Variants in PHF20 observed in about 807,000 individuals in gnomAD.
The protein encoded by PHF20 is PHD finger protein 20, also known as glioma-expressed antigen 2.
PHF20 carries 23 observed loss-of-function variants against 113.5 expected under a neutral mutation model. The observed-to-expected ratio is 0.20, with a 90% CI of 0.15 to 0.29. The LOEUF is 0.29. Ranked by LOEUF, PHF20 falls within the 10% of genes least tolerant of loss-of-function variation. The pLI, the probability that PHF20 is intolerant of heterozygous loss-of-function variation, is 1.00. For synonymous variants in PHF20, 434 were observed against 457.3 expected, an observed-to-expected ratio of 0.95 and a Z score of 0.65; for missense variants, 943 against 1,219.6, an observed-to-expected ratio of 0.77 and a Z score of 3.38.
At chr20:35,905,446 G>A (rs1278240045) in intron 10 of PHF20, among the ~76,000 whole-genome samples, 1 of 151,932 alleles carries the variant, frequency 6.6e-6, no homozygotes, top group African/African-American at 2.4e-5. Context: ...TCATGAGGTT[G>A]GGGCCTTCAT....
intron 2 of PHF20, among the ~76,000 whole-genome samples, chr20:35,827,268 A>G (rs1250585282): frequency 6.7e-6 from 1 of 150,000 alleles, no homozygotes; most frequent in African/African-American, 2.5e-5. Context: ...CGTCTGGGTA[A>G]TTTTCTGATT....
intron 2 of PHF20, among the ~76,000 whole-genome samples, chr20:35,815,095 T>G (rs1000563087): frequency 5.3e-5 from 8 of 150,936 alleles, no homozygotes; most frequent in Non-Finnish European, 8.9e-5. Context: ...ACTCGGGAGG[T>G]TGAGGCAGGA....
chr20:35,883,035 A>G (rs980188844), intron 9 of PHF20, among the ~76,000 whole-genome samples: 1 of 151,514 alleles, frequency 6.6e-6, no homozygotes, highest in Non-Finnish European at 1.5e-5. Flanking sequence ...CTCAAAAAAA[A>G]AAAAAAAAGA....
intron 4 of PHF20, among the ~76,000 whole-genome samples, chr20:35,850,264 C>T (rs1413178415): frequency 2.8e-5 from 4 of 143,002 alleles, no homozygotes; most frequent in South Asian, 4.5e-4. Context: ...CTGACCTCAC[C>T]TCTTTGCTGG....
intron 3 of PHF20, among the ~76,000 whole-genome samples, chr20:35,844,150 T>G (rs1389576038): frequency 6.6e-6 from 1 of 152,110 alleles, no homozygotes; most frequent in Non-Finnish European, 1.5e-5. Context: ...TTGCTCAGGC[T>G]GGAGTGCAGT....
At chr20:35,909,931 T>C (rs554761590) in intron 10 of PHF20, among the ~76,000 whole-genome samples, 1 of 152,336 alleles carries the variant, frequency 6.6e-6, no homozygotes, top group African/African-American at 2.4e-5. Context: ...CTCTCTGAGC[T>C]TCAGTTTCCC....
At chr20:35,912,389 T>C (rs1431779759) in intron 10 of PHF20, among the ~76,000 whole-genome samples, 2 of 152,124 alleles carry the variant, frequency 1.3e-5, no homozygotes, top group Admixed American at 1.3e-4. Flanking sequence ...AGGGAGAAGT[T>C]TGGACAGGGA....
chr20:35,807,027 C>T (rs956337047), intron 2 of PHF20, among the ~76,000 whole-genome samples: 1 of 151,868 alleles, frequency 6.6e-6, no homozygotes, highest in Non-Finnish European at 1.5e-5. Flanking sequence ...GATCTCCTGA[C>T]CTTGTGATCT....
intron 9 of PHF20, among the ~76,000 whole-genome samples, chr20:35,876,959 T>G (rs760931967): frequency 2.7e-5 from 4 of 147,864 alleles, no homozygotes; most frequent in Non-Finnish European, 4.5e-5. Context: ...ACAAAAAAAT[T>G]GGCCGGGCGT....
chr20:35,855,247 C>G (rs1250666901), intron 4 of PHF20: 1 of 1,333,900 alleles, frequency 7.5e-7, no homozygotes, highest in Non-Finnish European at 9.9e-7. Context: ...CTTGCCAACA[C>G]CCTGACAATA....
At chr20:35,819,962 A>G (rs900930341) in intron 2 of PHF20, among the ~76,000 whole-genome samples, 14 of 152,162 alleles carry the variant, frequency 9.2e-5, no homozygotes, top group African/African-American at 3.4e-4. Context: ...TTTAGATGCT[A>G]TGAAGGGGGT....
At chr20:35,812,643 G>A (rs969517472) in intron 2 of PHF20, among the ~76,000 whole-genome samples, 3 of 152,110 alleles carry the variant, frequency 2.0e-5, no homozygotes, top group African/African-American at 4.8e-5. Flanking sequence ...TGGTAATGCC[G>A]TGTGTTTCAT....
rs573537506 is a variant in PHF20 at position 35,796,419 on chromosome 20, T to A, written c.-32-5072T>A. On this transcript the variant is annotated intron_variant, in intron 1 of 17. Transcript: ENST00000374012. ...GTTTTTCTCATTTTCACAAATGATT[T>A]ATTTTTATCCTGGACTGTATTCTTC... 7.2e-5 allele frequency among the ~76,000 whole-genome samples: 11 copies of A among 152,296 alleles called. No homozygotes were observed. The South Asian group carries it at 2.3e-3, about 32-fold the overall frequency.
intron 9 of PHF20, among the ~76,000 whole-genome samples, chr20:35,877,100 C>A (rs1246919141): frequency 1.0e-5 from 1 of 100,254 alleles, no homozygotes; most frequent in Non-Finnish European, 1.9e-5. Flanking sequence ...GAGTGAGACT[C>A]TGTCTCAAAA....
intron 2 of PHF20, among the ~76,000 whole-genome samples, chr20:35,830,069 A>T (rs576893953): frequency 6.6e-6 from 1 of 152,044 alleles, no homozygotes; most frequent in Non-Finnish European, 1.5e-5. Context: ...GCATGCCGCC[A>T]TGCCTGGCTA....
Position 35,779,751 on chromosome 20 carries a change from C to T in PHF20, c.-33+7672C>T, listed in dbSNP as rs916017087. Among the ~76,000 whole-genome samples, 4 of 152,074 alleles carry T rather than the reference C, an allele frequency of 2.6e-5. No individual in the cohort carries two copies. The East Asian group carries it at 7.7e-4, about 29-fold the overall frequency. On this transcript the variant is annotated intron_variant, in intron 1 of 17. Coordinates refer to ENST00000374012, the MANE Select transcript of PHF20 (RefSeq NM_016436.5). ...CGCCAGGCTAGTCTTGAACTCCTGA[C>T]CTCAAGTGATCCACCCGCCTCGGCC... is the stretch of plus-strand genomic sequence containing the variant.
At chr20:35,928,694 A>C (rs1394605353) in intron 14 of PHF20, 1 of 151,816 alleles carries the variant, frequency 6.6e-6, no homozygotes, top group Non-Finnish European at 1.5e-5. Flanking sequence ...TTTCTTGAGG[A>C]CTCATGAGGA....
chr20:35,785,739 T>C (rs17093086), intron 1 of PHF20, among the ~76,000 whole-genome samples: 8,727 of 152,072 alleles, frequency 0.057, 336 homozygotes, highest in African/African-American at 0.12. Context: ...TGTTTTCCTT[T>C]GTAATATGGT....
chr20:35,818,666 G>T (rs8184320), intron 2 of PHF20, among the ~76,000 whole-genome samples: 4 of 151,978 alleles, frequency 2.6e-5, no homozygotes, highest in Non-Finnish European at 4.4e-5. Flanking sequence ...CTCCTGAGTA[G>T]GCTGGGACTA....
Sources: allele counts gnomAD v4.1 joint callset (sites outside exome capture counted in the v4.1 genomes callset), GRCh38; gene constraint gnomAD v4.1.1; transcripts MANE v1.5; gene names NCBI Gene and HGNC (gene_info 2026-07-23, HGNC 2026-07-21).